CDK18: variants seen among roughly 807,000 people sequenced by gnomAD.
The protein encoded by CDK18 is cyclin-dependent kinase 18.
Under a neutral mutation model 62.0 loss-of-function variants are expected in CDK18, and 52 were observed. The ratio of observed to expected loss-of-function variants is 0.84; its 90% CI spans 0.67 to 1.06. The LOEUF is 1.06. Ranked by LOEUF, CDK18 falls within the 50% of genes least tolerant of loss-of-function variation. The pLI is 0.00. For missense variants in CDK18, 604 were observed against 619.9 expected, an observed-to-expected ratio of 0.97 and a Z score of 0.27; for synonymous variants, 237 against 247.0, an observed-to-expected ratio of 0.96 and a Z score of 0.38.
intron 11 of CDK18, 92 bp downstream of exon 11, chr1:205,529,188 G>A: frequency 2.9e-6 from 4 of 1,361,098 alleles, no homozygotes; most frequent in African/African-American, 1.4e-5. Context: ...GGAGCGGCTC[G>A]GCCGCCTCTC....
intron 1 of CDK18, among the ~76,000 whole-genome samples, chr1:205,511,240 G>A (rs959442272): frequency 6.6e-6 from 1 of 152,222 alleles, no homozygotes; most frequent in African/African-American, 2.4e-5. Flanking sequence ...AAATTCAAAT[G>A]TTAGTGTTCA....
At position 205,516,350 on chromosome 1, in the gene CDK18, G is replaced by A. The variant is rs1482586601; in HGVS notation, c.-21-6797G>A. ...AGGGGCAGGGACTGGGAGATAGGGT[G>A]TCATAGGGATCCTGGCTGGTGGTCA... On this transcript the variant is annotated intron_variant, in intron 1 of 15. Coordinates refer to ENST00000429964, the MANE Select transcript of CDK18 (RefSeq NM_212502.3). This position sits in a 1 kb window ranked among gnomAD's most constrained non-coding sequence, Gnocchi z 4.8. Among the ~76,000 whole-genome samples, 2 of 152,218 alleles carry A rather than the reference G, an allele frequency of 1.3e-5. No homozygotes were observed. The highest frequency in any genetic ancestry group is 2.9e-5 in the Non-Finnish European group (2 of 68,046).
At chr1:205,508,687 T>C (rs1365688652) in intron 1 of CDK18, among the ~76,000 whole-genome samples, 4 of 151,968 alleles carry the variant, frequency 2.6e-5, no homozygotes, top group African/African-American at 9.7e-5. Context: ...TCTAAAAAAA[T>C]ACAAAAATTA....
Position 205,529,351 on chromosome 1 carries a change from G to A in CDK18, c.1100G>A (p.Gly367Asp). 6.2e-7 allele frequency: 1 copy of A among 1,613,996 alleles called. No homozygotes were observed. The highest frequency in any genetic ancestry group is 8.5e-7 in the Non-Finnish European group (1 of 1,179,950). ...ACCCCCACAGAAGAGACGTGGCCCGGCGTGACCGCCTTCTCTGAGTTCCGC... is the reference window on the plus strand; with the variant it reads ...ACCCCCACAGAAGAGACGTGGCCCGACGTGACCGCCTTCTCTGAGTTCCGC... ...LGTPTEETWP[G>D]VTAFSEFRTY... is the part of the protein sequence containing the mutation. Residue 367 changes from glycine to aspartate, a missense_variant, in exon 12 of 16, where the codon GGC becomes GAC. Gly to Asp is a moderately conservative substitution (Grantham distance 94). Transcript: ENST00000429964.
In CDK18 at chr1:205,528,963, C is replaced by T; in HGVS notation, c.975-36C>T. ...GCAGCCCTAGGAAGGGCGGCCGCCC[C>T]TGCCTGATGCCGACCCTACCCCTTG... On this transcript the variant is annotated intron_variant, in intron 10 of 15. Coordinates refer to ENST00000429964, the MANE Select transcript of CDK18 (RefSeq NM_212502.3). This position sits in a 1 kb window ranked among gnomAD's most constrained non-coding sequence, Gnocchi z 4.2. 6.9e-7 allele frequency: 1 copy of T among 1,453,170 alleles called. No homozygotes were observed. The highest frequency in any genetic ancestry group is 2.0e-5 in the Admixed American group (1 of 50,060). 90.0% of individuals were successfully genotyped at this position (1,453,170 alleles called of 1,614,324 possible).
Position 205,523,467 on chromosome 1 carries a change from C to G in CDK18, c.131-16C>G. 6.3e-7 allele frequency: 1 copy of G among 1,596,396 alleles called. No homozygotes were observed. The highest frequency in any genetic ancestry group is 8.5e-7 in the Non-Finnish European group (1 of 1,172,066). On this transcript the variant is annotated splice_polypyrimidine_tract_variant and intron_variant, in intron 2 of 15. Transcript: ENST00000429964. ...ACAGAGAGGCAGGGAGGGGAGCTGA[C>G]GCCTGTCCCTCTTAGACTTGCAGCT...
intron 1 of CDK18, among the ~76,000 whole-genome samples, chr1:205,505,128 G>C (rs1667243107): frequency 6.6e-6 from 1 of 152,132 alleles, no homozygotes; most frequent in Admixed American, 6.5e-5. Context: ...GGATCACTTT[G>C]GCCCCTGGGC....
intron 1 of CDK18, among the ~76,000 whole-genome samples, chr1:205,507,252 G>A (rs1331204235): frequency 6.6e-6 from 1 of 152,176 alleles, no homozygotes; most frequent in Non-Finnish European, 1.5e-5. Flanking sequence ...TAGTAGCTAT[G>A]TGACCTTCCC....
chr1:205,523,478 C>G lies in CDK18; in HGVS notation c.131-5C>G, dbSNP rs1476187707. 1.2e-6 allele frequency: 2 copies of G among 1,600,538 alleles called. No homozygotes were observed. The highest frequency in any genetic ancestry group is 2.3e-5 in the East Asian group (1 of 44,232). ...GGGAGGGGAGCTGACGCCTGTCCCT[C>G]TTAGACTTGCAGCTCGGTCCTCTTG... On this transcript the variant is annotated splice_polypyrimidine_tract_variant and splice_region_variant and intron_variant, in intron 2 of 15. Transcript: ENST00000429964.
In CDK18 at chr1:205,527,067, C is replaced by A; in HGVS notation, c.729+230C>A. The A allele has an allele frequency of 9.2e-6, 5 of 541,522 alleles. No homozygotes were observed. The highest frequency in any genetic ancestry group is 5.4e-5 in the South Asian group (2 of 37,192). The allele number at this position is 541,522 out of a possible 1,614,324, so 33.5% of individuals were successfully genotyped here. A position where few individuals can be genotyped will look rare whatever the true frequency, so the allele number is the denominator to read the frequency against. ...CACTGTCTAGCTGTTGGTATAAAAC[C>A]CACTCTCAACTCTGAACATCAGTTT... On this transcript the variant is annotated intron_variant, in intron 8 of 15. Transcript: ENST00000429964. This position sits in a 1 kb window ranked among gnomAD's most constrained non-coding sequence, Gnocchi z 4.1.
At chr1:205,521,066 A>G (rs772831472) in intron 1 of CDK18, among the ~76,000 whole-genome samples, 4 of 152,160 alleles carry the variant, frequency 2.6e-5, no homozygotes, top group Non-Finnish European at 5.9e-5. Flanking sequence ...TCTGCCAAGG[A>G]AGCCAGAGGA....
chr1:205,526,832 G>A lies in CDK18; in HGVS notation c.724G>A (p.Val242Ile), dbSNP rs773942682. ...HCGNLMSMHNVKIFMFQLLRG... is the reference protein window; with the variant it reads ...HCGNLMSMHNIKIFMFQLLRG... ...TGGGAACCTCATGAGCATGCACAAC[G>A]TCAAGGTGAGGCCTCGGGGGCAGGG... Residue 242 changes from valine (V) to isoleucine (I), a missense_variant, in exon 8 of 16, where the codon GTC (valine) becomes ATC (isoleucine). Physicochemically the swap from Val to Ile is conservative, Grantham distance 29 (BLOSUM62 3). Coordinates refer to ENST00000429964, the MANE Select transcript of CDK18 (RefSeq NM_212502.3). 6 of 1,613,540 alleles carry A rather than the reference G, an allele frequency of 3.7e-6. No individual in the cohort carries two copies. The highest frequency in any genetic ancestry group is 3.3e-5 in the Admixed American group (2 of 60,016).
At chr1:205,530,226 C>A in intron 13 of CDK18, 33 bp from the exon 14 acceptor site, 1 of 1,607,954 alleles carries the variant, frequency 6.2e-7, no homozygotes. Flanking sequence ...AGCCCCCCAG[C>A]CGGGCCCAAT....
Position 205,531,591 on chromosome 1 carries a change from T to A in CDK18, c.*213T>A, listed in dbSNP as rs74142375. ...CCCTCACCTGCATACCAACCCCTCC[T>A]TTACCCACGTTGGGGCTGGCATAAG... On this transcript the variant is annotated 3_prime_UTR_variant, in exon 16 of 16. Transcript: ENST00000429964. The A allele has an allele frequency of 0.035, 20,120 of 577,976 alleles. 1,539 individuals are homozygous for A. The highest frequency in any genetic ancestry group is 0.23 in the African/African-American group (12,032 of 53,038). The allele number at this position is 577,976 out of a possible 1,614,324, so 35.8% of individuals were successfully genotyped here.
In CDK18 at chr1:205,526,410, G is replaced by T. The variant is rs372677686; in HGVS notation, c.615G>T (p.Leu205=). The T allele has an allele frequency of 6.2e-6, 10 of 1,614,056 alleles. No homozygotes were observed. The East Asian group carries it at 6.7e-5, about 11-fold the overall frequency. ...TGAAGCACGCCAATATTGTGACCCT[G>T]CATGACCTCATCCACACAGATCGGT... The part of the protein sequence containing the change: ...KNLKHANIVT[L]HDLIHTDRSL... Residue 205 remains leucine (L), a synonymous_variant, in exon 7 of 16, where the codon CTG becomes CTT. Coordinates refer to ENST00000429964, the MANE Select transcript of CDK18 (RefSeq NM_212502.3).
chr1:205,525,080 A>T, intron 4 of CDK18, 59 bp from the exon 5 acceptor site: 1 of 1,187,902 alleles, frequency 8.4e-7, no homozygotes, highest in South Asian at 1.3e-5. Context: ...GGGAGGCGTC[A>T]TGTCTGTGGA....
Position 205,527,723 on chromosome 1 carries a change from T to C in CDK18, c.730-71T>C. On this transcript the variant is annotated intron_variant, in intron 8 of 15. Transcript: ENST00000429964. This position sits in a 1 kb window ranked among gnomAD's most constrained non-coding sequence, Gnocchi z 4.1. ...CCTCACTGCCAAGCCCCTGCCCCCATCCTGGTCCCAGCCTTGGAGCAGAGG... is the reference window on the plus strand; with the variant it reads ...CCTCACTGCCAAGCCCCTGCCCCCACCCTGGTCCCAGCCTTGGAGCAGAGG... 2.7e-6 allele frequency: 4 copies of C among 1,506,288 alleles called. No homozygotes were observed. In the South Asian group the frequency reaches 4.8e-5, roughly 18 times the overall value. 93.3% of individuals were successfully genotyped at this position (1,506,288 alleles called of 1,614,324 possible). A position where few individuals can be genotyped will look rare whatever the true frequency, so the allele number is the denominator to read the frequency against.
At chr1:205,509,501 T>G (rs75527474) in intron 1 of CDK18, among the ~76,000 whole-genome samples, 4,551 of 152,266 alleles carry the variant, frequency 0.03, 153 homozygotes, top group Admixed American at 0.11. Context: ...CAGTAACTGG[T>G]TGCCTTAGGT....
At chr1:205,524,850 G>T (rs183786863) in intron 4 of CDK18, among the ~76,000 whole-genome samples, 3 of 152,314 alleles carry the variant, frequency 2.0e-5, no homozygotes, top group Admixed American at 2.0e-4. Flanking sequence ...AAAAAAGGCA[G>T]CACTCACTCT....
Sources: allele counts gnomAD v4.1 joint callset (sites outside exome capture counted in the v4.1 genomes callset), GRCh38; gene constraint gnomAD v4.1.1; non-coding constraint Gnocchi (gnomAD v3.1); transcripts MANE v1.5; gene names NCBI Gene and HGNC (gene_info 2026-07-23, HGNC 2026-07-21).